PC: variants seen among roughly 807,000 people sequenced by gnomAD.
PC encodes the protein pyruvate carboxylase.
PC carries 46 observed loss-of-function variants against 107.8 expected under a neutral mutation model. The observed-to-expected ratio is 0.43, with a 90% CI of 0.34 to 0.55. PC has a LOEUF of 0.55. Ranked by LOEUF, PC falls within the 20% of genes least tolerant of loss-of-function variation. The pLI, the probability that PC is intolerant of heterozygous loss-of-function variation, is 0.04. For missense variants in PC, 1,241 were observed against 1,643.1 expected (o/e 0.76, Z 4.23); for synonymous variants, 662 against 684.7 (o/e 0.97, Z 0.52).
Position 66,850,386 on chromosome 11 carries a change from G to T in PC, c.2552C>A (p.Thr851Lys). 2 of 1,614,048 alleles carry T rather than the reference G, an allele frequency of 1.2e-6. No individual in the cohort carries two copies. The highest frequency in any genetic ancestry group is 1.7e-6 in the Non-Finnish European group (2 of 1,180,010). Reference protein sequence around the residue: ...ARGLYAAFDCTATMKSGNSDV... With the variant: ...ARGLYAAFDCKATMKSGNSDV... ...CGAGTTGCCAGACTTCATGGTGGCC[G>T]TGCAGTCGAAGGCCGCGTACAGTCC... The change falls in exon 19 of 23, where the codon ACG becomes AAG. Residue 851 changes from threonine to lysine, a missense_variant. Physicochemically the swap from Thr to Lys is moderately conservative, Grantham distance 78. Coordinates refer to ENST00000393960, the MANE Select transcript of PC (RefSeq NM_001040716.2).
chr11:66,858,609 C>T lies in PC; in HGVS notation c.1368+5165G>A. ...GCCCCTCATTGCCCGCCACACGCAG[C>T]GCCTCTGGGTGCTGGAAGGCCAGCG... On this transcript the variant is annotated intron_variant, in intron 12 of 22. Transcript: ENST00000393960. This position sits in a 1 kb window ranked among gnomAD's most constrained non-coding sequence, Gnocchi z 5.9. The T allele has an allele frequency of 6.5e-7, 1 of 1,535,192 alleles. No homozygotes were observed. Among genetic ancestry groups the T allele is most frequent in the Non-Finnish European group, 8.7e-7 (1 of 1,143,916 alleles).
At chr11:66,856,438 T>A (rs1025361369) in intron 12 of PC, among the ~76,000 whole-genome samples, 3 of 151,734 alleles carry the variant, frequency 2.0e-5, no homozygotes, top group African/African-American at 7.3e-5. Flanking sequence ...GCGGGGCGCC[T>A]GCCCGGAGGC....
chr11:66,931,055 A>G (rs534116256), intron 3 of PC, among the ~76,000 whole-genome samples: 1 of 152,210 alleles, frequency 6.6e-6, no homozygotes, highest in East Asian at 1.9e-4. Flanking sequence ...AAAACTAACA[A>G]GAACAAGAGA....
chr11:66,861,645 G>A (rs1480826587), intron 12 of PC, among the ~76,000 whole-genome samples: 1 of 151,872 alleles, frequency 6.6e-6, no homozygotes, highest in Non-Finnish European at 1.5e-5. Flanking sequence ...GCGCGGGACA[G>A]GGTGGGTGGG....
At chr11:66,950,123 G>A (rs1949402773) in intron 3 of PC, among the ~76,000 whole-genome samples, 2 of 152,200 alleles carry the variant, frequency 1.3e-5, no homozygotes, top group Admixed American at 1.3e-4. Flanking sequence ...GCAGCATAAA[G>A]TGATGTGCAA....
chr11:66,853,537 C>T (rs908746376), intron 12 of PC, among the ~76,000 whole-genome samples, 154 bp from the exon 13 acceptor site: 1 of 152,156 alleles, frequency 6.6e-6, no homozygotes, highest in Admixed American at 6.5e-5. Flanking sequence ...CGTCCCTCAG[C>T]CCTCTCCTCA....
chr11:66,849,121 T>C lies in PC; in HGVS notation c.3315A>G (p.Leu1105=), dbSNP rs764471951. Residue 1105 remains leucine, a synonymous_variant, in exon 23 of 23, where the codon CTA becomes CTG. Coordinates refer to ENST00000393960, the MANE Select transcript of PC (RefSeq NM_001040716.2). ...MKEMHFHPKA[L]KDVKGQIGAP... Reference sequence around the variant, plus strand: ...CCCCGATCTGGCCCTTCACGTCCTTTAGGGCCTTGGGGTGGAAGTGCATCT... The same window carrying C: ...CCCCGATCTGGCCCTTCACGTCCTTCAGGGCCTTGGGGTGGAAGTGCATCT... 6.2e-7 allele frequency: 1 copy of C among 1,614,052 alleles called. No homozygotes were observed. The highest frequency in any genetic ancestry group is 1.1e-5 in the South Asian group (1 of 91,088).
At chr11:66,956,671 A>G (rs1056361495) in intron 1 of PC, among the ~76,000 whole-genome samples, 6 of 152,146 alleles carry the variant, frequency 3.9e-5, no homozygotes, top group Non-Finnish European at 2.9e-5. Context: ...CTGTTTCTCC[A>G]CTGCAGCGGC....
intron 3 of PC, among the ~76,000 whole-genome samples, chr11:66,936,765 T>C (rs1949011685): frequency 6.6e-6 from 1 of 152,172 alleles, no homozygotes; most frequent in Non-Finnish European, 1.5e-5. Context: ...GTTCCAAACT[T>C]GGTGGAACAC....
At chr11:66,934,078 C>T (rs1948932931) in intron 3 of PC, among the ~76,000 whole-genome samples, 1 of 152,198 alleles carries the variant, frequency 6.6e-6, no homozygotes, top group African/African-American at 2.4e-5. Flanking sequence ...GCTGGGGCAT[C>T]ACCCTCTGTC....
intron 3 of PC, among the ~76,000 whole-genome samples, chr11:66,938,054 C>T (rs928970467): frequency 2.6e-5 from 4 of 152,224 alleles, no homozygotes; most frequent in South Asian, 2.1e-4. Flanking sequence ...GTGAGACACT[C>T]TTCTCACATT....
intron 9 of PC, 61 bp from the exon 10 acceptor site, chr11:66,869,025 A>T: frequency 7.8e-7 from 1 of 1,276,410 alleles, no homozygotes; most frequent in Non-Finnish European, 1.1e-6. Flanking sequence ...AACTCACTGG[A>T]CTCAGGACAG....
chr11:66,894,497 C>T (rs1219200901), intron 3 of PC, among the ~76,000 whole-genome samples: 1 of 152,166 alleles, frequency 6.6e-6, no homozygotes, highest in African/African-American at 2.4e-5. Flanking sequence ...AGCTATGAAC[C>T]CCCAAGGGCA....
intron 3 of PC, among the ~76,000 whole-genome samples, chr11:66,916,298 C>T (rs1401788181): frequency 6.6e-6 from 1 of 152,156 alleles, no homozygotes; most frequent in East Asian, 1.9e-4. Context: ...GTTGCCCAGG[C>T]TGGTCTTCAC....
chr11:66,946,181 C>G (rs959019893), intron 3 of PC, among the ~76,000 whole-genome samples: 1 of 150,598 alleles, frequency 6.6e-6, no homozygotes, highest in African/African-American at 2.4e-5. Flanking sequence ...AATAACAAAT[C>G]AGTCTTGAGA....
intron 12 of PC, among the ~76,000 whole-genome samples, chr11:66,854,985 C>T (rs1403838930): frequency 6.6e-6 from 1 of 152,278 alleles, no homozygotes; most frequent in Non-Finnish European, 1.5e-5. Context: ...CCCTTGGAGG[C>T]CTTCGCCCTG....
At chr11:66,851,324 C>A in intron 16 of PC, 44 bp from the exon 17 acceptor site, 1 of 1,598,908 alleles carries the variant, frequency 6.3e-7, no homozygotes, top group Non-Finnish European at 8.5e-7. Flanking sequence ...ACCCCACCTC[C>A]CTCTGAACAG....
At chr11:66,893,154 C>T (rs566381694) in intron 3 of PC, among the ~76,000 whole-genome samples, 6 of 152,322 alleles carry the variant, frequency 3.9e-5, no homozygotes, top group East Asian at 1.9e-4. Flanking sequence ...CCCCAGGGCA[C>T]GACTCACTCC....
At position 66,870,591 on chromosome 11, in the gene PC, C is replaced by A. The variant is rs1565243459; in HGVS notation, c.752-138G>T. The A allele has an allele frequency of 8.6e-7, 1 of 1,169,478 alleles. No individual in the cohort carries two copies. 72.4% of individuals were successfully genotyped at this position (1,169,478 alleles called of 1,614,324 possible). On this transcript the variant is annotated intron_variant, in intron 8 of 22. Transcript: ENST00000393960. The surrounding 1 kb of genome is among the most constrained non-coding windows in gnomAD (Gnocchi z 6.1). ...CAGAGGCTGCCAGGAGAGACACCAG[C>A]ATCACCAAGGCTGTGAGGACCAACT...
Sources: allele counts gnomAD v4.1 joint callset (sites outside exome capture counted in the v4.1 genomes callset), GRCh38; gene constraint gnomAD v4.1.1; non-coding constraint Gnocchi (gnomAD v3.1); transcripts MANE v1.5; gene names NCBI Gene and HGNC (gene_info 2026-07-23, HGNC 2026-07-21).